The following ALG9 variants were observed in gnomAD, a reference collection of about 807,000 sequenced individuals.
ALG9 encodes ALG9 alpha-1,2-mannosyltransferase.
ALG9 carries 55 observed loss-of-function variants against 81.8 expected under a neutral mutation model. The ratio of observed to expected loss-of-function variants is 0.67; its 90% CI spans 0.54 to 0.84. The LOEUF (loss-of-function observed/expected upper bound fraction) is 0.84, where lower values mean the gene tolerates loss of function less well. Among genes scored for constraint, ALG9 ranks in the 40% least tolerant of loss-of-function variants. The pLI, the probability that ALG9 is intolerant of heterozygous loss-of-function variation, is 0.00. For missense variants in ALG9, 629 were observed against 745.0 expected (o/e 0.84, Z 1.81); for synonymous variants, 278 against 274.3 (o/e 1.01, Z -0.13).
chr11:111,846,914 T>A (rs1339264605), intron 8 of ALG9, among the ~76,000 whole-genome samples: 5 of 152,026 alleles, frequency 3.3e-5, no homozygotes, highest in African/African-American at 7.3e-5. Flanking sequence ...GATGTTTAGG[T>A]GAAGGAAAGC....
At chr11:111,778,678 T>C (rs1555055958), downstream of ALG9, among the ~76,000 whole-genome samples, 1 of 152,112 alleles carries the variant, frequency 6.6e-6, no homozygotes, top group Non-Finnish European at 1.5e-5. Context: ...AGAGCAGTGG[T>C]GTTCAACTCT....
intron 10 of ALG9, among the ~76,000 whole-genome samples, chr11:111,839,601 AG>A (rs34197912): frequency 0.21 from 19,556 of 94,076 alleles, 1,724 homozygotes; most frequent in South Asian, 0.33. Flanking sequence ...AAAAAAAAAA[AG>A]GGGGGGGGGG....
intron 14 of ALG9, 152 bp from the exon 15 acceptor site, chr11:111,786,672 C>T (rs145750783): frequency 4.3e-5 from 40 of 938,336 alleles, no homozygotes; most frequent in Admixed American, 1.3e-4. Flanking sequence ...TACTAGATCA[C>T]GATAAAAGAC....
chr11:111,854,383 C>T (rs1958338217), intron 6 of ALG9, among the ~76,000 whole-genome samples: 1 of 151,070 alleles, frequency 6.6e-6, no homozygotes, highest in Admixed American at 6.6e-5. Flanking sequence ...ATTCTCCTGC[C>T]TAAGCCTCCC....
chr11:111,808,963 C>CT (rs1230524930), intron 14 of ALG9, among the ~76,000 whole-genome samples: 1 of 152,210 alleles, frequency 6.6e-6, no homozygotes, highest in Non-Finnish European at 1.5e-5. Flanking sequence ...TATCTCAGCC[C>CT]TGGCTGAGCC....
At chr11:111,861,107 C>G (rs1176296685) in intron 4 of ALG9, among the ~76,000 whole-genome samples, 2 of 152,020 alleles carry the variant, frequency 1.3e-5, no homozygotes, top group Non-Finnish European at 2.9e-5. Flanking sequence ...CATAGTTGCT[C>G]AATAAATGGT....
intron 9 of ALG9, among the ~76,000 whole-genome samples, chr11:111,841,557 G>C (rs1352009193): frequency 6.6e-6 from 1 of 152,222 alleles, no homozygotes; most frequent in African/African-American, 2.4e-5. Flanking sequence ...TGAGAGATAA[G>C]CCTGCAACCC....
At chr11:111,802,274 T>C (rs543972064) in intron 14 of ALG9, among the ~76,000 whole-genome samples, 1 of 152,352 alleles carries the variant, frequency 6.6e-6, no homozygotes, top group South Asian at 2.1e-4. Context: ...AGCAGCATTA[T>C]TCCTAATAGC....
At chr11:111,822,364 G>A (rs1329778222) in intron 13 of ALG9, among the ~76,000 whole-genome samples, 2 of 124,854 alleles carry the variant, frequency 1.6e-5, no homozygotes, top group African/African-American at 6.2e-5. Context: ...AGCTGTGTTC[G>A]CACCACTGCA....
chr11:111,850,643 G>T (rs565497921), intron 8 of ALG9, among the ~76,000 whole-genome samples: 2 of 141,718 alleles, frequency 1.4e-5, no homozygotes, highest in African/African-American at 5.4e-5. Context: ...GGAGGCAGAG[G>T]TTGCAGTGAG....
chr11:111,799,466 A>G (rs546642398), intron 14 of ALG9, among the ~76,000 whole-genome samples: 10 of 150,342 alleles, frequency 6.7e-5, no homozygotes, highest in Non-Finnish European at 1.3e-4. Context: ...TTTTTTTTAA[A>G]CAAACAAACA....
intron 8 of ALG9, among the ~76,000 whole-genome samples, chr11:111,846,975 A>G (rs1957036105): frequency 6.6e-6 from 1 of 152,142 alleles, no homozygotes; most frequent in South Asian, 2.1e-4. Flanking sequence ...CTCTTTATGG[A>G]AAGTGCCTCA....
At chr11:111,833,736 T>C (rs1215661669) in intron 13 of ALG9, among the ~76,000 whole-genome samples, 1 of 152,232 alleles carries the variant, frequency 6.6e-6, no homozygotes, top group Non-Finnish European at 1.5e-5. Flanking sequence ...CACTTGTTTT[T>C]CCCTGCTTTT....
intron 14 of ALG9, among the ~76,000 whole-genome samples, chr11:111,800,483 A>G (rs1319794183): frequency 1.3e-5 from 2 of 151,922 alleles, no homozygotes; most frequent in African/African-American, 4.8e-5. Context: ...TCCGTCTCAA[A>G]AAATAAAAAA....
chr11:111,822,948 C>A (rs1555105362), intron 13 of ALG9, among the ~76,000 whole-genome samples: 1 of 151,746 alleles, frequency 6.6e-6, no homozygotes, highest in Non-Finnish European at 1.5e-5. Context: ...CGCTTGAACC[C>A]GGGAGGCGGA....
In ALG9 at chr11:111,787,505, G is replaced by A. The variant is rs373717868; in HGVS notation, c.1734-985C>T. Among the ~76,000 whole-genome samples, 30 of 152,074 alleles carry A rather than the reference G, an allele frequency of 2.0e-4. No individual in the cohort carries two copies. The East Asian group carries it at 3.5e-3, about 18-fold the overall frequency. ...GGAGTCTTGCTCTGTCACCCAGGCT[G>A]GAGTGCCGTGGTGCGATCTCAGCTC... On this transcript the variant is annotated intron_variant, in intron 14 of 14. Coordinates refer to ENST00000616540, the MANE Select transcript of ALG9 (RefSeq NM_024740.2).
intron 6 of ALG9, among the ~76,000 whole-genome samples, chr11:111,856,297 G>GA (rs1210989975): frequency 2.4e-5 from 3 of 126,734 alleles, no homozygotes; most frequent in Admixed American, 7.8e-5. Context: ...AAAAAAAAAA[G>GA]AAAAAAAAAT....
Position 111,865,166 on chromosome 11 carries a change from A to C in ALG9, c.476+15T>G. 1 of 1,532,494 alleles carries C rather than the reference A, an allele frequency of 6.5e-7. No individual in the cohort carries two copies. The highest frequency in any genetic ancestry group is 8.8e-7 in the Non-Finnish European group (1 of 1,140,120). The allele number at this position is 1,532,494 out of a possible 1,614,324, so 94.9% of individuals were successfully genotyped here. Reference sequence around the variant, plus strand: ...TTCCTCACAGCACTTTTAGAAGCAAAGTTTTTATACTCACTTGTAAAAGTA... The same window carrying C: ...TTCCTCACAGCACTTTTAGAAGCAACGTTTTTATACTCACTTGTAAAAGTA... On this transcript the variant is annotated intron_variant, in intron 4 of 14. Coordinates refer to ENST00000616540, the MANE Select transcript of ALG9 (RefSeq NM_024740.2).
rs781991188 is a variant in ALG9, at chr11:111,870,314, T to C, written c.188A>G (p.Lys63Arg). The change falls in exon 2 of 15, where the codon AAG (lysine) becomes AGG (arginine). Residue 63 changes from lysine (K) to arginine (R), a missense_variant. Transcript: ENST00000616540. ...VWAPEGSTAF[K>R]CLLSARLCAA... ...ACATAACCTTGCTGAAAGCAGACAC[T>C]TGAAAGCAGTAGATCCTTCAGGTGC... 2.5e-6 allele frequency: 4 copies of C among 1,610,440 alleles called. No homozygotes were observed. The highest frequency in any genetic ancestry group is 2.5e-6 in the Non-Finnish European group (3 of 1,179,006).
Sources: gnomAD v4.1 joint callset for allele counts (sites outside exome capture counted in the v4.1 genomes callset) on GRCh38, gnomAD v4.1.1 for gene constraint, MANE v1.5 for transcripts, NCBI Gene and HGNC (gene_info 2026-07-23, HGNC 2026-07-21) for gene names.